STX8: variants seen among roughly 807,000 people sequenced by gnomAD.
The protein encoded by STX8 is syntaxin-8.
STX8 carries 23 observed loss-of-function variants against 37.5 expected under a neutral mutation model. The ratio of observed to expected loss-of-function variants is 0.61; its 90% CI spans 0.44 to 0.87. The LOEUF (loss-of-function observed/expected upper bound fraction) is 0.87, where lower values mean the gene tolerates loss of function less well. Ranked by LOEUF, STX8 falls within the 40% of genes least tolerant of loss-of-function variation. STX8 has a pLI of 0.00. For missense variants in STX8, 313 were observed against 284.7 expected, an observed-to-expected ratio of 1.10 and a Z score of -0.71; for synonymous variants, 115 against 99.1, an observed-to-expected ratio of 1.16 and a Z score of -0.95.
intron 7 of STX8, among the ~76,000 whole-genome samples, chr17:9,268,899 G>A (rs1283395804): frequency 6.6e-6 from 1 of 152,210 alleles, no homozygotes; most frequent in East Asian, 1.9e-4. Context: ...AGAAGTATTT[G>A]AGGCCAGGCC....
intron 7 of STX8, among the ~76,000 whole-genome samples, chr17:9,262,565 GT>G (rs372401723): frequency 2.0e-5 from 3 of 149,482 alleles, no homozygotes; most frequent in African/African-American, 7.6e-5. Flanking sequence ...GGTGTTTTTT[GT>G]TTTTTTTGTT....
chr17:9,543,269 T>C (rs926292937), intron 4 of STX8, among the ~76,000 whole-genome samples: 2 of 150,150 alleles, frequency 1.3e-5, no homozygotes, highest in Non-Finnish European at 2.9e-5. Context: ...CTGCCTTCAG[T>C]GTAAAGCCCC....
rs79896031 is a variant in STX8 at position 9,456,031 on chromosome 17, C to T, written c.541+35798G>A. On this transcript the variant is annotated intron_variant, in intron 6 of 7. Transcript: ENST00000306357. Reference sequence around the variant, plus strand: ...AGCACACCCTCCCTCCCTAACCTGACGATCCAACTGTGTTTCACCCAGGAT... The same window carrying T: ...AGCACACCCTCCCTCCCTAACCTGATGATCCAACTGTGTTTCACCCAGGAT... Among the ~76,000 whole-genome samples the T allele has an allele frequency of 5.9e-5, 9 of 152,220 alleles. No homozygotes were observed. In the East Asian group the frequency reaches 1.2e-3, roughly 20 times the overall value.
chr17:9,367,250 A>G (rs1226950884), intron 7 of STX8, among the ~76,000 whole-genome samples: 1 of 150,364 alleles, frequency 6.7e-6, no homozygotes. Context: ...CTCCTGTTAC[A>G]TGACCTCTTG....
chr17:9,448,926 T>TA (rs912835729), intron 6 of STX8, among the ~76,000 whole-genome samples: 11 of 152,098 alleles, frequency 7.2e-5, no homozygotes, highest in African/African-American at 2.4e-4. Context: ...TCTACATTAT[T>TA]AAAAAAATAT....
chr17:9,390,972 A>G (rs1462813437), intron 6 of STX8, among the ~76,000 whole-genome samples: 1 of 152,198 alleles, frequency 6.6e-6, no homozygotes, highest in Non-Finnish European at 1.5e-5. Flanking sequence ...TTATTGGGGC[A>G]ATGGCAGCAA....
At chr17:9,256,800 A>G (rs947752883) in intron 7 of STX8, among the ~76,000 whole-genome samples, 4 of 152,204 alleles carry the variant, frequency 2.6e-5, no homozygotes, top group Non-Finnish European at 4.4e-5. Flanking sequence ...GGGACCTCAC[A>G]TCGTACTCGG....
At chr17:9,305,639 T>C (rs1047844964) in intron 7 of STX8, 7 of 152,050 alleles carry the variant, frequency 4.6e-5, no homozygotes, top group African/African-American at 1.7e-4. Flanking sequence ...TGTATGGTGA[T>C]GTATGCGTAG....
intron 6 of STX8, among the ~76,000 whole-genome samples, chr17:9,433,500 C>G (rs1316311236): frequency 2.0e-5 from 3 of 152,164 alleles, no homozygotes; most frequent in African/African-American, 7.2e-5. Context: ...CAAAAACTAC[C>G]TATTGGCCCT....
chr17:9,481,332 A>G (rs1906334036), intron 6 of STX8, among the ~76,000 whole-genome samples: 3 of 152,214 alleles, frequency 2.0e-5, no homozygotes, highest in African/African-American at 7.2e-5. Context: ...CCTGCCAAAG[A>G]GTAACAGGAA....
chr17:9,322,814 T>TAAAAAAAAAAAAAAAA (rs59941529), intron 7 of STX8, among the ~76,000 whole-genome samples: 1 of 64,674 alleles, frequency 1.5e-5, no homozygotes, highest in African/African-American at 6.3e-5. Flanking sequence ...GTGCATTTGC[T>TAAAAAAAAAAAAAAAA]AAAAAAAAAA....
chr17:9,402,300 T>C (rs1210248533), intron 6 of STX8, among the ~76,000 whole-genome samples: 1 of 152,088 alleles, frequency 6.6e-6, no homozygotes, highest in East Asian at 1.9e-4. Flanking sequence ...TTTGTATTTT[T>C]AGTAGAGACG....
At chr17:9,328,159 C>A (rs1250349073) in intron 7 of STX8, among the ~76,000 whole-genome samples, 2 of 151,800 alleles carry the variant, frequency 1.3e-5, no homozygotes, top group African/African-American at 4.8e-5. Context: ...TGATCCTCCA[C>A]CTCCAGAGAA....
intron 3 of STX8, among the ~76,000 whole-genome samples, chr17:9,546,591 G>GTTTGTTTT (rs1906529737): frequency 3.8e-5 from 2 of 52,204 alleles, no homozygotes; most frequent in African/African-American, 1.6e-4. Flanking sequence ...TACAAAAGTG[G>GTTTGTTTT]TTTTTTTTTT....
chr17:9,419,809 C>A (rs996420411), intron 6 of STX8, among the ~76,000 whole-genome samples: 2 of 152,138 alleles, frequency 1.3e-5, no homozygotes, highest in Non-Finnish European at 2.9e-5. Flanking sequence ...GAAGAGTGAG[C>A]AGAAATACAT....
chr17:9,422,105 GTT>G (rs567821440), intron 6 of STX8, among the ~76,000 whole-genome samples: 9 of 139,636 alleles, frequency 6.4e-5, no homozygotes, highest in Admixed American at 7.2e-5. Flanking sequence ...TCGGGTAGTA[GTT>G]TTTTTTTTTT....
rs1356980149 is a variant in STX8 at position 9,520,572 on chromosome 17, ATCTTG to A, written c.324-15415_324-15411del. Among the ~76,000 whole-genome samples the A allele has an allele frequency of 4.6e-5, 7 of 152,362 alleles. No individual in the cohort carries two copies. The South Asian group carries it at 1.0e-3, about 23-fold the overall frequency. ...TGCCACATCAGTAAATACGTTAGAT[ATCTTG>A]TCTTATCAAGATTTAACCAAAAAGT... On this transcript the variant is annotated intron_variant, in intron 4 of 7. Transcript: ENST00000306357.
At chr17:9,313,920 G>A (rs1035832875) in intron 7 of STX8, among the ~76,000 whole-genome samples, 12 of 152,078 alleles carry the variant, frequency 7.9e-5, no homozygotes, top group African/African-American at 2.7e-4. Context: ...ATGAGCCACC[G>A]TGCCCAGCCT....
At chr17:9,454,153 C>T (rs935472024) in intron 6 of STX8, among the ~76,000 whole-genome samples, 4 of 152,282 alleles carry the variant, frequency 2.6e-5, no homozygotes, top group Admixed American at 2.6e-4. Flanking sequence ...CAGTAGTCCC[C>T]GCTTGTCCTC....
Sources: gnomAD v4.1 joint callset for allele counts (sites outside exome capture counted in the v4.1 genomes callset) on GRCh38, gnomAD v4.1.1 for gene constraint, MANE v1.5 for transcripts, NCBI Gene and HGNC (gene_info 2026-07-23, HGNC 2026-07-21) for gene names.